Variants in ARMC10 observed in about 807,000 individuals in gnomAD.
ARMC10 encodes armadillo repeat containing 10, also known as armadillo repeat-containing protein 10.
In ARMC10, 23 loss-of-function variants were observed where a neutral mutation model predicts 30.2. The observed-to-expected ratio is 0.76, with a 90% confidence interval of 0.55 to 1.08. The LOEUF is 1.08. Ranked by LOEUF, ARMC10 falls within the 50% of genes least tolerant of loss-of-function variation. The probability of loss-of-function intolerance (pLI) is 0.00; values close to 1 mark genes in which losing one functional copy is unlikely to be tolerated. For synonymous variants in ARMC10, 111 were observed against 164.4 expected (o/e 0.68, Z 2.48); for missense variants, 303 against 413.7 (o/e 0.73, Z 2.32).
chr7:103,099,006 T>G lies in ARMC10; in HGVS notation c.*453T>G, dbSNP rs1352203024. 3.0e-5 allele frequency: 2 copies of G among 67,486 alleles called. No individual in the cohort carries two copies. The highest frequency in any genetic ancestry group is 6.7e-5 in the African/African-American group (2 of 30,034). The allele number at this position is 67,486 out of a possible 1,614,324, so 4.2% of individuals were successfully genotyped here. On this transcript the variant is annotated 3_prime_UTR_variant, in exon 7 of 7. Transcript: ENST00000323716. Reference sequence around the variant, plus strand: ...CCTGACCATACTGCTTTCAAAAGTCTTTTCTCATCAGTAGAATCTATTTTG... The same window carrying G: ...CCTGACCATACTGCTTTCAAAAGTCGTTTCTCATCAGTAGAATCTATTTTG...
intron 3 of ARMC10, 32 bp downstream of exon 3, chr7:103,083,862 T>C: frequency 1.2e-6 from 2 of 1,608,416 alleles, no homozygotes; most frequent in Non-Finnish European, 1.7e-6. Flanking sequence ...GCAAGCTCTT[T>C]CCATTCTTAC....
chr7:103,092,137 C>T (rs545297052), intron 4 of ARMC10, among the ~76,000 whole-genome samples: 2 of 152,126 alleles, frequency 1.3e-5, no homozygotes, highest in South Asian at 2.1e-4. Context: ...TCGAGACCAT[C>T]GTGGCTAACA....
intron 1 of ARMC10, 69 bp from the exon 2 acceptor site, chr7:103,075,707 TA>T: frequency 8.3e-7 from 1 of 1,204,138 alleles, no homozygotes; most frequent in Non-Finnish European, 1.1e-6. Flanking sequence ...TTTGTGTAAC[TA>T]AAGGGATTCT....
At position 103,092,469 on chromosome 7, in the gene ARMC10, G is replaced by C. The variant is rs1801430218; in HGVS notation, c.529-8G>C. The C allele has an allele frequency of 1.9e-6, 3 of 1,552,338 alleles. No individual in the cohort carries two copies. The highest frequency in any genetic ancestry group is 2.6e-6 in the Non-Finnish European group (3 of 1,136,396). ...TCTAAGATGCTCATTTTCCTCCCCTGCCTTCAGATATACATCAGTCAAGTA... is the reference window on the plus strand; with the variant it reads ...TCTAAGATGCTCATTTTCCTCCCCTCCCTTCAGATATACATCAGTCAAGTA... On this transcript the variant is annotated splice_region_variant and splice_polypyrimidine_tract_variant and intron_variant, in intron 4 of 6. Coordinates refer to ENST00000323716, the MANE Select transcript of ARMC10 (RefSeq NM_031905.5).
In ARMC10 at chr7:103,075,258, T is replaced by A. The variant is rs1799590962; in HGVS notation, c.-15T>A. 12 of 1,188,852 alleles carry A rather than the reference T, an allele frequency of 1.0e-5. No individual in the cohort carries two copies. Among genetic ancestry groups the A allele is most frequent in the Admixed American group, 4.5e-5 (1 of 22,208 alleles). 73.6% of individuals were successfully genotyped at this position (1,188,852 alleles called of 1,614,324 possible). On this transcript the variant is annotated 5_prime_UTR_variant, in exon 1 of 7. Transcript: ENST00000323716. ...CTGCCCTGGCCCGGCGCTGCGGCTCTGCCGCGGCGGCAGCATGGGTGGCCC... is the reference window on the plus strand; with the variant it reads ...CTGCCCTGGCCCGGCGCTGCGGCTCAGCCGCGGCGGCAGCATGGGTGGCCC...
intron 2 of ARMC10, among the ~76,000 whole-genome samples, chr7:103,078,613 A>G (rs1012300649): frequency 3.3e-5 from 5 of 152,220 alleles, no homozygotes; most frequent in Non-Finnish European, 2.9e-5. Flanking sequence ...ATGGACTAAT[A>G]AAGTCATCAT....
At chr7:103,083,169 C>T (rs1306092718) in intron 2 of ARMC10, 1 of 456,548 alleles carries the variant, frequency 2.2e-6, no homozygotes, top group East Asian at 6.9e-5. Context: ...TACTAACAGC[C>T]ATATGCCAGG....
chr7:103,075,894 G>T lies in ARMC10; in HGVS notation c.244+13G>T, dbSNP rs1799733726. The T allele has an allele frequency of 1.3e-6, 2 of 1,570,214 alleles. No homozygotes were observed. Among genetic ancestry groups the T allele is most frequent in the Non-Finnish European group, 1.7e-6 (2 of 1,155,122 alleles). On this transcript the variant is annotated intron_variant, in intron 2 of 6. Coordinates refer to ENST00000323716, the MANE Select transcript of ARMC10 (RefSeq NM_031905.5). ...ACCTCGCAGCCTGGTGTGTGTTTTGGAAATGGGAACAGTTGTCTGCGCGAG... is the reference window on the plus strand; with the variant it reads ...ACCTCGCAGCCTGGTGTGTGTTTTGTAAATGGGAACAGTTGTCTGCGCGAG...
At chr7:103,087,589 A>C (rs910034854) in intron 4 of ARMC10, among the ~76,000 whole-genome samples, 1 of 152,244 alleles carries the variant, frequency 6.6e-6, no homozygotes, top group Non-Finnish European at 1.5e-5. Context: ...TGTTCAAACT[A>C]GAAATTGTCA....
chr7:103,098,638 A>C lies in ARMC10; in HGVS notation c.*85A>C. The C allele has an allele frequency of 7.2e-7, 1 of 1,386,602 alleles. No homozygotes were observed. 85.9% of individuals were successfully genotyped at this position (1,386,602 alleles called of 1,614,324 possible). A position where few individuals can be genotyped will look rare whatever the true frequency, so the allele number is the denominator to read the frequency against. ...TTATAAGGGGATTCTCCCAGCTGCT[A>C]AATTTAAACAGTAAATATCACATTT... On this transcript the variant is annotated 3_prime_UTR_variant, in exon 7 of 7. Transcript: ENST00000323716.
chr7:103,078,975 C>G (rs982645913), intron 2 of ARMC10, among the ~76,000 whole-genome samples: 1 of 152,034 alleles, frequency 6.6e-6, no homozygotes, highest in African/African-American at 2.4e-5. Context: ...TGCCGCTGCT[C>G]TCCAGCCTGG....
chr7:103,096,764 G>T (rs1304277277), intron 5 of ARMC10: 4 of 154,922 alleles, frequency 2.6e-5, no homozygotes, highest in African/African-American at 9.7e-5. Context: ...ACACCATCAT[G>T]CCTGGCCATA....
chr7:103,094,336 G>GA (rs944888464), intron 5 of ARMC10, among the ~76,000 whole-genome samples: 38 of 151,564 alleles, frequency 2.5e-4, no homozygotes, highest in South Asian at 1.7e-3. Context: ...ATGTGACGAG[G>GA]AAAAAAAACA....
intron 4 of ARMC10, among the ~76,000 whole-genome samples, chr7:103,091,304 G>A (rs1801300277): frequency 1.3e-5 from 2 of 152,108 alleles, no homozygotes; most frequent in African/African-American, 4.8e-5. Context: ...TGGCATTGCA[G>A]CCTGTGCGGC....
chr7:103,091,328 C>G (rs1008877818), intron 4 of ARMC10, among the ~76,000 whole-genome samples: 1 of 151,836 alleles, frequency 6.6e-6, no homozygotes, highest in African/African-American at 2.4e-5. Flanking sequence ...GAGACCTTGT[C>G]CCCCCGGAAA....
chr7:103,091,957 A>G (rs994818419), intron 4 of ARMC10, among the ~76,000 whole-genome samples: 15 of 152,346 alleles, frequency 9.8e-5, no homozygotes, highest in Admixed American at 6.5e-4. Flanking sequence ...AGTGAGGAGT[A>G]TTTGTAAAAT....
chr7:103,082,915 T>C (rs1400050847), intron 2 of ARMC10, among the ~76,000 whole-genome samples: 1 of 152,238 alleles, frequency 6.6e-6, no homozygotes, highest in Non-Finnish European at 1.5e-5. Flanking sequence ...ACTATTATTC[T>C]AGGATCCTAG....
chr7:103,092,476 G>A lies in ARMC10; in HGVS notation c.529-1G>A, dbSNP rs201530946. ...TGCTCATTTTCCTCCCCTGCCTTCA[G>A]ATATACATCAGTCAAGTATGTGAGG... On this transcript the variant is annotated splice_acceptor_variant, in intron 4 of 6. Transcript: ENST00000323716. LOFTEE classifies it high-confidence loss of function. 1.3e-6 allele frequency: 2 copies of A among 1,570,216 alleles called. No individual in the cohort carries two copies. Among genetic ancestry groups the A allele is most frequent in the South Asian group, 2.3e-5 (2 of 87,798 alleles).
At chr7:103,076,023 G>C in intron 2 of ARMC10, 142 bp downstream of exon 2, 1 of 541,694 alleles carries the variant, frequency 1.8e-6, no homozygotes, top group Non-Finnish European at 3.1e-6. Context: ...GAAGCTGTTA[G>C]GGAAATAATT....
Sources: allele counts gnomAD v4.1 joint callset (sites outside exome capture counted in the v4.1 genomes callset), GRCh38; gene constraint gnomAD v4.1.1; transcripts MANE v1.5; gene names NCBI Gene and HGNC (gene_info 2026-07-23, HGNC 2026-07-21).